Variants in PPP3CC observed in about 807,000 individuals in gnomAD.
PPP3CC encodes serine/threonine-protein phosphatase 2B catalytic subunit gamma isoform.
A neutral mutation model predicts 60.3 loss-of-function variants in PPP3CC; 35 were observed. The ratio of observed to expected loss-of-function variants is 0.58; its 90% CI spans 0.44 to 0.77. The LOEUF (loss-of-function observed/expected upper bound fraction) is 0.77, where lower values mean the gene tolerates loss of function less well. PPP3CC is among the 30% of genes least tolerant of loss of function. The pLI is 0.00. For missense variants in PPP3CC, 570 were observed against 628.9 expected, an observed-to-expected ratio of 0.91 and a Z score of 1.00; for synonymous variants, 206 against 224.3, an observed-to-expected ratio of 0.92 and a Z score of 0.73.
intron 1 of PPP3CC, among the ~76,000 whole-genome samples, chr8:22,471,025 C>T (rs763707287): frequency 4.6e-5 from 7 of 152,150 alleles, no homozygotes; most frequent in Admixed American, 6.5e-5. Context: ...CCTTTATTAA[C>T]GCAGTAGTGC....
At chr8:22,521,101 G>C (rs1006504550) in intron 6 of PPP3CC, among the ~76,000 whole-genome samples, 1 of 152,164 alleles carries the variant, frequency 6.6e-6, no homozygotes, top group African/African-American at 2.4e-5. Context: ...CCCATGGATG[G>C]GGAGAGCTGT....
At chr8:22,443,908 C>T (rs1489156368) in intron 1 of PPP3CC, among the ~76,000 whole-genome samples, 1 of 152,206 alleles carries the variant, frequency 6.6e-6, no homozygotes, top group Non-Finnish European at 1.5e-5. Context: ...TTAGTCACAG[C>T]TGTCTGCATT....
intron 1 of PPP3CC, among the ~76,000 whole-genome samples, chr8:22,441,665 G>A (rs1032010868): frequency 6.6e-5 from 10 of 152,208 alleles, no homozygotes; most frequent in African/African-American, 2.4e-4. Flanking sequence ...CTGGCCGTCA[G>A]TGCCAAGTTC....
intron 4 of PPP3CC, chr8:22,510,833 A>G (rs1839065155): frequency 1.5e-5 from 6 of 412,752 alleles, no homozygotes; most frequent in South Asian, 1.1e-4. Flanking sequence ...AACACAGTGG[A>G]CAGTCACCTT....
intron 3 of PPP3CC, chr8:22,492,579 C>T: frequency 2.1e-6 from 1 of 466,864 alleles, no homozygotes; most frequent in Non-Finnish European, 3.9e-6. Context: ...AGCACCAACC[C>T]TAGCCCCCCA....
Position 22,513,418 on chromosome 8 carries a change from C to T in PPP3CC, c.756C>T (p.Cys252=), listed in dbSNP as rs759742912. 6.2e-7 allele frequency: 1 copy of T among 1,601,768 alleles called. No homozygotes were observed. Among genetic ancestry groups the T allele is most frequent in the South Asian group, 1.1e-5 (1 of 87,984 alleles). Residue 252 remains cysteine, a synonymous_variant, in exon 6 of 14, where the codon TGC becomes TGT. Transcript: ENST00000240139. The part of the protein sequence containing the change: ...EHYTHNTVRG[C]SYFYSYPAVC... The stretch of plus-strand genomic sequence containing the variant: ...ATACCCACAACACTGTCCGAGGGTG[C>T]TCTTATTTCTACAGGTAAGCTAGTC...
intron 1 of PPP3CC, among the ~76,000 whole-genome samples, chr8:22,470,110 G>C (rs531377038): frequency 4.6e-5 from 7 of 150,808 alleles, no homozygotes; most frequent in Admixed American, 4.0e-4. Context: ...GTTCTCTGCT[G>C]TATCATTTAT....
At chr8:22,499,605 G>A (rs555138454) in intron 4 of PPP3CC, among the ~76,000 whole-genome samples, 4 of 152,246 alleles carry the variant, frequency 2.6e-5, no homozygotes, top group African/African-American at 7.2e-5. Context: ...AAACAAACTC[G>A]TAGATTTCCT....
At chr8:22,539,556 A>C in intron 13 of PPP3CC, 58 bp downstream of exon 13, 1 of 1,519,444 alleles carries the variant, frequency 6.6e-7, no homozygotes. Context: ...GGTTTTTCGA[A>C]GCTTTATCAA....
chr8:22,539,399 C>A, intron 12 of PPP3CC, 70 bp from the exon 13 acceptor site: 1 of 1,550,594 alleles, frequency 6.4e-7, no homozygotes, highest in South Asian at 1.1e-5. Flanking sequence ...GTGCTGCCAT[C>A]AGTGCTGTTG....
intron 10 of PPP3CC, among the ~76,000 whole-genome samples, chr8:22,529,062 G>A (rs1839635820): frequency 6.6e-6 from 1 of 152,132 alleles, no homozygotes; most frequent in South Asian, 2.1e-4. Flanking sequence ...ACCAAGTACT[G>A]TATTGTTTAG....
rs545450649 is a variant in PPP3CC at position 22,472,844 on chromosome 8, T to G, written c.50-2110T>G. 4.2e-4 allele frequency among the ~76,000 whole-genome samples: 64 copies of G among 152,316 alleles called. No homozygotes were observed. In the South Asian group the frequency reaches 8.5e-3, roughly 20 times the overall value. The stretch of plus-strand genomic sequence containing the variant: ...GCAAACTTCCTTCTCTCTTGCTGCT[T>G]CTTCAGCTTTGCATTCCTATTCCAG... On this transcript the variant is annotated intron_variant, in intron 1 of 13. Coordinates refer to ENST00000240139, the MANE Select transcript of PPP3CC (RefSeq NM_005605.5).
intron 4 of PPP3CC, among the ~76,000 whole-genome samples, chr8:22,500,659 C>CTAG (rs1165506244): frequency 6.6e-6 from 1 of 152,084 alleles, no homozygotes; most frequent in East Asian, 1.9e-4. Flanking sequence ...AACATCCCTC[C>CTAG]TAGTAGAGCC....
chr8:22,507,536 A>G (rs1838959675), intron 4 of PPP3CC, among the ~76,000 whole-genome samples: 1 of 152,204 alleles, frequency 6.6e-6, no homozygotes, highest in African/African-American at 2.4e-5. Flanking sequence ...CAGTTCTGCC[A>G]GTTACTTGCT....
intron 1 of PPP3CC, among the ~76,000 whole-genome samples, chr8:22,465,772 CAGTG>C (rs764315234): frequency 1.8e-4 from 28 of 152,120 alleles, no homozygotes; most frequent in Non-Finnish European, 3.5e-4. Flanking sequence ...CAGACCAAGA[CAGTG>C]AGATTACAGA....
intron 12 of PPP3CC, 53 bp downstream of exon 12, chr8:22,533,071 C>G: frequency 7.5e-7 from 1 of 1,327,438 alleles, no homozygotes; most frequent in Non-Finnish European, 1.0e-6. Context: ...ACCTAACAGT[C>G]AGCACACACT....
rs142081676 is a variant in PPP3CC at position 22,509,354 on chromosome 8, A to G, written c.485-1732A>G. Among the ~76,000 whole-genome samples, 9 of 152,270 alleles carry G rather than the reference A, an allele frequency of 5.9e-5. No homozygotes were observed. In the East Asian group the frequency reaches 1.7e-3, roughly 29 times the overall value. On this transcript the variant is annotated intron_variant, in intron 4 of 13. Transcript: ENST00000240139. The stretch of plus-strand genomic sequence containing the variant: ...AATTACCAACTAGATAGTCTGACTC[A>G]CTCGATACAGCTTTGGTCTCTTGGT...
At chr8:22,529,075 C>T (rs776652065) in intron 10 of PPP3CC, among the ~76,000 whole-genome samples, 2 of 152,070 alleles carry the variant, frequency 1.3e-5, no homozygotes, top group Non-Finnish European at 2.9e-5. Context: ...TTGTTTAGGT[C>T]CTTGCTCTCA....
rs531784136 is a variant in PPP3CC at position 22,502,456 on chromosome 8, G to A, written c.484+4344G>A. On this transcript the variant is annotated intron_variant, in intron 4 of 13. Coordinates refer to ENST00000240139, the MANE Select transcript of PPP3CC (RefSeq NM_005605.5). ...ATCCTACACTTTGGGAGGCCGAGAT[G>A]GGGGCATTGCTTGAGCCCAGGAGTT... 2.0e-5 allele frequency among the ~76,000 whole-genome samples: 3 copies of A among 152,246 alleles called. No individual in the cohort carries two copies. In the South Asian group the frequency reaches 6.2e-4, roughly 32 times the overall value.
Sources: gnomAD v4.1 joint callset for allele counts (sites outside exome capture counted in the v4.1 genomes callset) on GRCh38, gnomAD v4.1.1 for gene constraint, MANE v1.5 for transcripts, NCBI Gene and HGNC (gene_info 2026-07-23, HGNC 2026-07-21) for gene names.